LEPROTL1: variants seen among roughly 807,000 people sequenced by gnomAD.
LEPROTL1 encodes leptin receptor overlapping transcript-like 1.
A neutral mutation model predicts 15.4 loss-of-function variants in LEPROTL1; 6 were observed. That is an observed-to-expected ratio of 0.39 (90% CI 0.21 to 0.77). LEPROTL1 has a LOEUF of 0.77. LEPROTL1 is among the 30% of genes least tolerant of loss of function. The pLI is 0.41. For missense variants in LEPROTL1, 128 were observed against 158.1 expected, an observed-to-expected ratio of 0.81 and a Z score of 1.02; for synonymous variants, 56 against 52.6, an observed-to-expected ratio of 1.06 and a Z score of -0.28.
intron 4 of LEPROTL1, among the ~76,000 whole-genome samples, chr8:30,134,942 C>T (rs547561591): frequency 3.9e-5 from 6 of 152,210 alleles, no homozygotes; most frequent in Non-Finnish European, 2.9e-5. Context: ...TGCAGTGGCA[C>T]CATCCTGGCT....
chr8:30,124,081 TACTA>T (rs1402350427), intron 3 of LEPROTL1, among the ~76,000 whole-genome samples: 2 of 152,086 alleles, frequency 1.3e-5, no homozygotes, highest in Non-Finnish European at 2.9e-5. Flanking sequence ...GTTAGTCTTA[TACTA>T]ACTGTCTTTT....
chr8:30,110,534 G>A (rs922461622), downstream of LEPROTL1, among the ~76,000 whole-genome samples: 9 of 152,032 alleles, frequency 5.9e-5, no homozygotes, highest in African/African-American at 1.9e-4. Context: ...AAAAGTTCGA[G>A]ACCATCCTGG....
At chr8:30,102,083 C>T in intron 2 of LEPROTL1, 110 bp downstream of exon 2, 2 of 614,762 alleles carry the variant, frequency 3.3e-6, no homozygotes, top group South Asian at 2.1e-5. Context: ...GAAATGTTCA[C>T]TTACCAAACA....
At chr8:30,095,977 C>G (rs369446624) in intron 1 of LEPROTL1, 7 of 672,714 alleles carry the variant, frequency 1.0e-5, no homozygotes, top group Non-Finnish European at 1.6e-5. Flanking sequence ...GGCACAAGTG[C>G]GGTCTGCGGG....
In LEPROTL1 at chr8:30,095,432, C is replaced by T. The variant is rs1802341896; in HGVS notation, c.-81C>T. 2 of 1,401,416 alleles carry T rather than the reference C, an allele frequency of 1.4e-6. No homozygotes were observed. The highest frequency in any genetic ancestry group is 3.1e-5 in the East Asian group (1 of 32,234). The allele number at this position is 1,401,416 out of a possible 1,614,324, so 86.8% of individuals were successfully genotyped here. ...CGCACTTCCGGGTGTTGTCTGGCCGCCGTAGCGCGTCTTGGGTCTCCCGGC... is the reference window on the plus strand; with the variant it reads ...CGCACTTCCGGGTGTTGTCTGGCCGTCGTAGCGCGTCTTGGGTCTCCCGGC... On this transcript the variant is annotated 5_prime_UTR_variant, in exon 1 of 4. Coordinates refer to ENST00000321250, the MANE Select transcript of LEPROTL1 (RefSeq NM_015344.3).
Position 30,104,483 on chromosome 8 carries a change from T to A in LEPROTL1, c.276T>A (p.His92Gln), listed in dbSNP as rs1270609717. Residue 92 changes from histidine (H) to glutamine (Q), a missense_variant, in exon 3 of 4, where the codon CAT becomes CAA. Transcript: ENST00000321250. Reference sequence around the variant, plus strand: ...TCCCTATTGTATTTGCCAGAGCACATCTGGTAAGTGAATATATTCTTCCAT... The same window carrying A: ...TCCCTATTGTATTTGCCAGAGCACAACTGGTAAGTGAATATATTCTTCCAT... ...FGLPIVFARA[H>Q]LIEWGACALV... 3 of 1,584,332 alleles carry A rather than the reference T, an allele frequency of 1.9e-6. No homozygotes were observed. Among genetic ancestry groups the A allele is most frequent in the Non-Finnish European group, 2.6e-6 (3 of 1,165,100 alleles).
At chr8:30,096,747 A>G (rs1382212407) in intron 1 of LEPROTL1, among the ~76,000 whole-genome samples, 3 of 152,166 alleles carry the variant, frequency 2.0e-5, no homozygotes, top group African/African-American at 7.2e-5. Flanking sequence ...TTTGTAATTT[A>G]CTTCTCCAGA....
chr8:30,126,640 A>G (rs1802911106), intron 3 of LEPROTL1, among the ~76,000 whole-genome samples: 1 of 152,218 alleles, frequency 6.6e-6, no homozygotes, highest in Admixed American at 6.5e-5. Flanking sequence ...TGGGACATAC[A>G]TTAAAGCCAC....
At chr8:30,123,745 A>G (rs1274028673) in intron 3 of LEPROTL1, among the ~76,000 whole-genome samples, 1 of 152,272 alleles carries the variant, frequency 6.6e-6, no homozygotes, top group Non-Finnish European at 1.5e-5. Context: ...CAAACAATAA[A>G]TAACATAATT....
chr8:30,105,951 G>T lies in LEPROTL1; in HGVS notation c.*89G>T. The T allele has an allele frequency of 7.4e-7, 1 of 1,351,548 alleles. No individual in the cohort carries two copies. The highest frequency in any genetic ancestry group is 9.6e-7 in the Non-Finnish European group (1 of 1,039,384). The allele number at this position is 1,351,548 out of a possible 1,614,324, so 83.7% of individuals were successfully genotyped here. A position where few individuals can be genotyped will look rare whatever the true frequency, so the allele number is the denominator to read the frequency against. ...GGAGATGGGGCAGTTAATGCTGAAT[G>T]GTATAGCAAGCCTCTTGGGGGTATT... On this transcript the variant is annotated 3_prime_UTR_variant, in exon 4 of 4. Transcript: ENST00000321250.
At chr8:30,138,278 G>A, downstream of LEPROTL1, 1 of 361,542 alleles carries the variant, frequency 2.8e-6, no homozygotes, top group Non-Finnish European at 5.1e-6. Flanking sequence ...TGTTTGTCTA[G>A]GCAGTGGAGA....
chr8:30,103,509 G>A (rs1802505031), intron 2 of LEPROTL1, among the ~76,000 whole-genome samples: 2 of 152,184 alleles, frequency 1.3e-5, no homozygotes, highest in African/African-American at 4.8e-5. Context: ...GGGAGGCCAA[G>A]GTGGGTGGAT....
chr8:30,132,855 G>A (rs2117533816), intron 4 of LEPROTL1: 2 of 1,550,482 alleles, frequency 1.3e-6, no homozygotes, highest in Non-Finnish European at 1.7e-6. Context: ...CCAGAGAGAG[G>A]GACGTGACCC....
At chr8:30,110,964 A>G (rs559701766), downstream of LEPROTL1, among the ~76,000 whole-genome samples, 3 of 152,370 alleles carry the variant, frequency 2.0e-5, no homozygotes, top group South Asian at 6.2e-4. Flanking sequence ...ATTGTATAAT[A>G]TCATGTAAAT....
chr8:30,132,914 A>G, intron 4 of LEPROTL1: 1 of 1,497,602 alleles, frequency 6.7e-7, no homozygotes, highest in South Asian at 1.3e-5. Flanking sequence ...AACCTGCAAG[A>G]TAATTTTTTA....
downstream of LEPROTL1, among the ~76,000 whole-genome samples, chr8:30,112,378 G>C (rs1216985716): frequency 7.5e-6 from 1 of 134,158 alleles, no homozygotes; most frequent in African/African-American, 2.6e-5. Context: ...TGGATCACAG[G>C]TGTGCGCCAC....
intron 4 of LEPROTL1, chr8:30,137,250 G>A (rs1406883332): frequency 2.6e-6 from 4 of 1,522,772 alleles, no homozygotes; most frequent in Admixed American, 3.9e-5. Flanking sequence ...ACTGTAATTA[G>A]CTCTTGATTT....
intron 4 of LEPROTL1, chr8:30,132,916 A>T (rs1227833384): frequency 6.7e-7 from 1 of 1,496,098 alleles, no homozygotes; most frequent in Non-Finnish European, 8.9e-7. Flanking sequence ...CCTGCAAGAT[A>T]ATTTTTTAAA....
intron 1 of LEPROTL1, among the ~76,000 whole-genome samples, chr8:30,097,696 TATACAC>T (rs1310774980): frequency 0.015 from 1,647 of 108,926 alleles, 71 homozygotes; most frequent in African/African-American, 0.053. Context: ...TATATATATA[TATACAC>T]ACACACACAC....
Sources: gnomAD v4.1 joint callset for allele counts (sites outside exome capture counted in the v4.1 genomes callset) on GRCh38, gnomAD v4.1.1 for gene constraint, MANE v1.5 for transcripts, NCBI Gene and HGNC (gene_info 2026-07-23, HGNC 2026-07-21) for gene names.